THSD7A: variants seen among roughly 807,000 people sequenced by gnomAD.
THSD7A encodes thrombospondin type-1 domain-containing protein 7A.
Under a neutral mutation model 231.3 loss-of-function variants are expected in THSD7A, and 96 were observed. That is an observed-to-expected ratio of 0.41 (90% CI 0.35 to 0.49). The LOEUF (loss-of-function observed/expected upper bound fraction) is 0.49. Among genes scored for constraint, THSD7A ranks in the 20% least tolerant of loss-of-function variants. The probability of loss-of-function intolerance (pLI) is 0.05; values close to 1 mark genes in which losing one functional copy is unlikely to be tolerated. For missense variants in THSD7A, 2,290 were observed against 2,070.2 expected, an observed-to-expected ratio of 1.11 and a Z score of -2.06; for synonymous variants, 940 against 743.3, an observed-to-expected ratio of 1.26 and a Z score of -4.30.
At chr7:11,678,301 A>C (rs1448539063) in intron 1 of THSD7A, among the ~76,000 whole-genome samples, 2 of 152,214 alleles carry the variant, frequency 1.3e-5, no homozygotes, top group African/African-American at 4.8e-5. Context: ...AATCAAGAGC[A>C]AACAAATCCA....
intron 23 of THSD7A, among the ~76,000 whole-genome samples, chr7:11,394,034 T>A (rs2115337209): frequency 6.6e-6 from 1 of 152,154 alleles, no homozygotes; most frequent in African/African-American, 2.4e-5. Context: ...AGATACTCCT[T>A]GAGAAGAGCA....
intron 6 of THSD7A, among the ~76,000 whole-genome samples, chr7:11,498,247 A>T (rs769896280): frequency 6.6e-6 from 1 of 152,162 alleles, no homozygotes; most frequent in Non-Finnish European, 1.5e-5. Flanking sequence ...AGGAGCTCTC[A>T]GAGAGAGGGG....
intron 4 of THSD7A, among the ~76,000 whole-genome samples, chr7:11,559,264 G>T (rs957928690): frequency 6.6e-6 from 1 of 152,156 alleles, no homozygotes; most frequent in Non-Finnish European, 1.5e-5. Context: ...ATGCATGCCA[G>T]ACCTCTGACT....
intron 1 of THSD7A, among the ~76,000 whole-genome samples, chr7:11,702,027 G>T: frequency 6.6e-6 from 1 of 151,148 alleles, no homozygotes; most frequent in Non-Finnish European, 1.5e-5. Context: ...GTATTTCATG[G>T]GTGTGAGGTC....
intron 7 of THSD7A, among the ~76,000 whole-genome samples, chr7:11,476,318 TACACACACACACACACAC>T (rs59127235): frequency 1.4e-4 from 19 of 137,392 alleles, no homozygotes; most frequent in South Asian, 9.9e-4. Flanking sequence ...CTCTGGAAGA[TACACACACACACACACAC>T]ACACACACAC....
intron 1 of THSD7A, among the ~76,000 whole-genome samples, chr7:11,785,314 A>G (rs1276533429): frequency 1.3e-5 from 2 of 152,012 alleles, no homozygotes; most frequent in African/African-American, 4.8e-5. Context: ...ATTATACACT[A>G]CAGCCTGGGA....
chr7:11,589,078 T>C lies in THSD7A; in HGVS notation c.1453+1382A>G, dbSNP rs370107948. On this transcript the variant is annotated intron_variant, in intron 4 of 27. Transcript: ENST00000423059. ...AGAGAAGCCATCTCTTCTTTGGTTT[T>C]AAAAACATTCATTTCTCTTGGTTCT... Among the ~76,000 whole-genome samples the C allele has an allele frequency of 2.6e-5, 4 of 152,356 alleles. No homozygotes were observed. In the South Asian group the frequency reaches 6.2e-4, roughly 24 times the overall value.
chr7:11,577,806 A>T (rs1156933386), intron 4 of THSD7A, among the ~76,000 whole-genome samples: 1 of 151,996 alleles, frequency 6.6e-6, no homozygotes, highest in Non-Finnish European at 1.5e-5. Flanking sequence ...GTTTTAGAGT[A>T]ACCTAACAAT....
At chr7:11,657,639 C>A (rs886309078) in intron 1 of THSD7A, among the ~76,000 whole-genome samples, 2 of 151,820 alleles carry the variant, frequency 1.3e-5, no homozygotes, top group Non-Finnish European at 2.9e-5. Context: ...TATATTGTAT[C>A]CTCTATTGTT....
At chr7:11,670,328 T>C (rs1221503990) in intron 1 of THSD7A, among the ~76,000 whole-genome samples, 1 of 152,196 alleles carries the variant, frequency 6.6e-6, no homozygotes, top group Non-Finnish European at 1.5e-5. Context: ...AGGAATCTTC[T>C]ATGTCCAGGC....
chr7:11,643,675 C>T (rs1007808909), intron 1 of THSD7A, among the ~76,000 whole-genome samples: 38 of 151,822 alleles, frequency 2.5e-4, no homozygotes, highest in African/African-American at 8.7e-4. Context: ...CATATTTTCA[C>T]ATTTAGATCT....
intron 1 of THSD7A, among the ~76,000 whole-genome samples, chr7:11,654,057 T>C (rs534579111): frequency 6.6e-6 from 1 of 152,012 alleles, no homozygotes; most frequent in East Asian, 1.9e-4. Context: ...GTGTAGGAAC[T>C]CAAAGTTGAG....
chr7:11,486,864 C>A (rs1461827302), intron 6 of THSD7A, among the ~76,000 whole-genome samples: 1 of 152,050 alleles, frequency 6.6e-6, no homozygotes, highest in Admixed American at 6.6e-5. Flanking sequence ...ACTAAATGAA[C>A]CATTGTCTAC....
intron 10 of THSD7A, among the ~76,000 whole-genome samples, chr7:11,461,306 AGATT>A (rs1213862831): frequency 1.3e-5 from 2 of 152,202 alleles, no homozygotes; most frequent in African/African-American, 4.8e-5. Flanking sequence ...TCAGAATTAA[AGATT>A]GATATATTAA....
rs1438372592 is a variant in THSD7A at position 11,662,394 on chromosome 7, G to A, written c.191-25433C>T. 2.0e-5 allele frequency among the ~76,000 whole-genome samples: 3 copies of A among 151,274 alleles called. No homozygotes were observed. The South Asian group carries it at 6.2e-4, about 31-fold the overall frequency. On this transcript the variant is annotated intron_variant, in intron 1 of 27. Coordinates refer to ENST00000423059, the MANE Select transcript of THSD7A (RefSeq NM_015204.3). ...AATTTGTATGTGCCTAATAACATCTGATCTCAAACGTATTTTAAAATGGAC... is the reference window on the plus strand; with the variant it reads ...AATTTGTATGTGCCTAATAACATCTAATCTCAAACGTATTTTAAAATGGAC...
At chr7:11,808,763 T>G (rs537154502) in intron 1 of THSD7A, among the ~76,000 whole-genome samples, 10 of 152,258 alleles carry the variant, frequency 6.6e-5, no homozygotes, top group African/African-American at 1.7e-4. Context: ...AAATATTCAT[T>G]CATCCTTTTA....
intron 1 of THSD7A, among the ~76,000 whole-genome samples, chr7:11,734,717 A>C (rs1781848483): frequency 6.6e-6 from 1 of 151,946 alleles, no homozygotes; most frequent in Admixed American, 6.6e-5. Context: ...AAACATCCTA[A>C]AGAAAATTTT....
intron 4 of THSD7A, among the ~76,000 whole-genome samples, chr7:11,580,473 C>A (rs1319179491): frequency 6.6e-6 from 1 of 152,056 alleles, no homozygotes; most frequent in South Asian, 2.1e-4. Context: ...AACTTCAAGG[C>A]TTTTATCAGG....
In THSD7A at chr7:11,412,730, G is replaced by C. The variant is rs1340721530; in HGVS notation, c.3608C>G (p.Ser1203Cys). The C allele has an allele frequency of 6.2e-7, 1 of 1,613,770 alleles. No individual in the cohort carries two copies. The highest frequency in any genetic ancestry group is 2.2e-5 in the East Asian group (1 of 44,862). The part of the protein sequence containing the change: ...PIRQPADEGR[S>C]CPNAVEKEPC... Reference sequence around the variant, plus strand: ...TTCTTTCTCAACAGCATTAGGGCAAGATCTTCCTTCATCAGCTGGTTGTCT... The same window carrying C: ...TTCTTTCTCAACAGCATTAGGGCAACATCTTCCTTCATCAGCTGGTTGTCT... Residue 1203 changes from serine (S) to cysteine (C), a missense_variant, in exon 18 of 28, where the codon TCT becomes TGT. Coordinates refer to ENST00000423059, the MANE Select transcript of THSD7A (RefSeq NM_015204.3).
Sources: allele counts gnomAD v4.1 joint callset (sites outside exome capture counted in the v4.1 genomes callset), GRCh38; gene constraint gnomAD v4.1.1; transcripts MANE v1.5; gene names NCBI Gene and HGNC (gene_info 2026-07-23, HGNC 2026-07-21).